The following SLC45A4 variants were observed in gnomAD, a reference collection of about 807,000 sequenced individuals.
SLC45A4 encodes the protein polyamine-transporter SLC45A4.
In SLC45A4, 32 loss-of-function variants were observed where a neutral mutation model predicts 63.7. That is an observed-to-expected ratio of 0.50 (90% CI 0.38 to 0.67). SLC45A4 has a LOEUF of 0.67. Among genes scored for constraint, SLC45A4 ranks in the 30% least tolerant of loss-of-function variants. The pLI is 0.00. For synonymous variants in SLC45A4, 535 were observed against 510.0 expected (o/e 1.05, Z -0.66); for missense variants, 1,027 against 1,157.7 (o/e 0.89, Z 1.64).
intron 2 of SLC45A4, among the ~76,000 whole-genome samples, chr8:141,236,352 T>A (rs550387224): frequency 2.2e-4 from 34 of 151,912 alleles, no homozygotes; most frequent in Non-Finnish European, 4.3e-4. Flanking sequence ...AAGTTTTCCA[T>A]TGTGTAACAC....
chr8:141,222,572 A>G (rs1297493241), intron 2 of SLC45A4, among the ~76,000 whole-genome samples: 1 of 152,252 alleles, frequency 6.6e-6, no homozygotes, highest in African/African-American at 2.4e-5. Context: ...TCTGTCCCTG[A>G]GTTGACACGC....
rs575055120 is a variant in SLC45A4 at position 141,213,260 on chromosome 8, C to T, written c.1942-704G>A. 3.3e-5 allele frequency among the ~76,000 whole-genome samples: 5 copies of T among 152,288 alleles called. No homozygotes were observed. The South Asian group carries it at 6.2e-4, about 19-fold the overall frequency. ...TCAAGGTTGACCTCACAGACAGAGA[C>T]GGGGCACTAGGTGCAGGACCCACAT... On this transcript the variant is annotated intron_variant, in intron 7 of 8. Coordinates refer to ENST00000517878, the MANE Select transcript of SLC45A4 (RefSeq NM_001286646.2).
At chr8:141,221,838 G>A (rs1350296017) in intron 2 of SLC45A4, 73 bp from the exon 3 acceptor site, 14 of 1,525,934 alleles carry the variant, frequency 9.2e-6, no homozygotes, top group South Asian at 7.0e-5. Flanking sequence ...TGGGAGCCCC[G>A]CGACAGGCAG....
chr8:141,263,667 G>A (rs1180915282), intron 1 of SLC45A4, among the ~76,000 whole-genome samples: 1 of 151,166 alleles, frequency 6.6e-6, no homozygotes, highest in Non-Finnish European at 1.5e-5. Context: ...CTACTGGGGA[G>A]GCTGAAGCAG....
intron 2 of SLC45A4, among the ~76,000 whole-genome samples, chr8:141,228,766 A>G (rs1247644783): frequency 6.6e-6 from 1 of 152,206 alleles, no homozygotes; most frequent in African/African-American, 2.4e-5. Flanking sequence ...TCAGGGGTCA[A>G]TCAGTTCCAG....
chr8:141,296,213 C>A (rs1391651836), intron 1 of SLC45A4, among the ~76,000 whole-genome samples: 4 of 152,124 alleles, frequency 2.6e-5, no homozygotes, highest in Non-Finnish European at 5.9e-5. Flanking sequence ...TACCTGCAAT[C>A]CCAGCTACTC....
At chr8:141,275,776 T>C (rs1031747847) in intron 1 of SLC45A4, among the ~76,000 whole-genome samples, 3 of 152,212 alleles carry the variant, frequency 2.0e-5, no homozygotes, top group African/African-American at 4.8e-5. Flanking sequence ...CAAATATACT[T>C]ACCCACTACC....
chr8:141,244,392 T>G (rs1385942338), intron 2 of SLC45A4, among the ~76,000 whole-genome samples: 1 of 152,094 alleles, frequency 6.6e-6, no homozygotes. Flanking sequence ...CCAAGGCAGG[T>G]CAATTTCTCC....
intron 2 of SLC45A4, among the ~76,000 whole-genome samples, chr8:141,245,560 TC>T (rs1198729825): frequency 6.6e-6 from 1 of 152,074 alleles, no homozygotes; most frequent in East Asian, 1.9e-4. Context: ...CATCAGGGAC[TC>T]CCAGGAGACC....
chr8:141,242,634 T>C (rs1428303056), intron 2 of SLC45A4, among the ~76,000 whole-genome samples: 1 of 152,154 alleles, frequency 6.6e-6, no homozygotes, highest in African/African-American at 2.4e-5. Context: ...GTGCCCCAGA[T>C]AACAAGCCCA....
At position 141,218,083 on chromosome 8, in the gene SLC45A4, C is replaced by G. The variant is rs1826287388; in HGVS notation, c.1557G>C (p.Trp519Cys). ...ACACGGCCTCGGCGATGACAGAGAACCAGGTGAGGAGGTGGCAGAGGCACA... is the reference window on the plus strand; with the variant it reads ...ACACGGCCTCGGCGATGACAGAGAAGCAGGTGAGGAGGTGGCAGAGGCACA... ...MRLCLCHLLT[W>C]FSVIAEAVFY... is the part of the protein sequence containing the mutation. The change falls in exon 5 of 9, where the codon TGG (tryptophan) becomes TGC (cysteine). Residue 519 changes from tryptophan (W) to cysteine (C), a missense_variant. By Grantham distance (215) the Trp-to-Cys change is radical. Coordinates refer to ENST00000517878, the MANE Select transcript of SLC45A4 (RefSeq NM_001286646.2). 1 of 1,611,432 alleles carries G rather than the reference C, an allele frequency of 6.2e-7. No individual in the cohort carries two copies. The highest frequency in any genetic ancestry group is 8.5e-7 in the Non-Finnish European group (1 of 1,179,294).
At chr8:141,301,870 G>A (rs534640152) in intron 1 of SLC45A4, among the ~76,000 whole-genome samples, 2 of 151,986 alleles carry the variant, frequency 1.3e-5, no homozygotes, top group East Asian at 1.9e-4. Context: ...GCTGGAGAGA[G>A]AGAATTGCAT....
intron 2 of SLC45A4, among the ~76,000 whole-genome samples, chr8:141,235,290 C>T (rs974604524): frequency 2.1e-4 from 32 of 152,330 alleles, no homozygotes; most frequent in African/African-American, 7.2e-4. Context: ...GACACACAGG[C>T]GGCCCCATTT....
rs781635172 is a variant in SLC45A4, at chr8:141,254,162, G to A, written c.68C>T (p.Pro23Leu). ...MQVQELSVPL[P>L]DPQKAGGAEA... ...TGCGCCTCCGGCTTTCTGCGGGTCC[G>A]GCAGGGGCACGGATAACTCTTGAAC... The change falls in exon 2 of 9, where the codon CCG becomes CTG. Residue 23 changes from proline (P) to leucine (L), a missense_variant. Pro to Leu is a moderately conservative substitution (Grantham distance 98, BLOSUM62 -3). Coordinates refer to ENST00000517878, the MANE Select transcript of SLC45A4 (RefSeq NM_001286646.2). The surrounding 1 kb of genome is among the most constrained non-coding windows in gnomAD (Gnocchi z 4.5). 1.4e-5 allele frequency: 21 copies of A among 1,536,028 alleles called. No homozygotes were observed. The South Asian group carries it at 1.7e-4, about 12-fold the overall frequency.
intron 1 of SLC45A4, among the ~76,000 whole-genome samples, chr8:141,296,201 C>T (rs1830544147): frequency 6.6e-6 from 1 of 152,092 alleles, no homozygotes; most frequent in African/African-American, 2.4e-5. Context: ...CATGGTGGTT[C>T]ATACCTGCAA....
rs528304700 is a variant in SLC45A4 at position 141,234,830 on chromosome 8, A to G, written c.242-13065T>C. Among the ~76,000 whole-genome samples the G allele has an allele frequency of 2.6e-5, 4 of 152,278 alleles. No individual in the cohort carries two copies. In the East Asian group the frequency reaches 7.7e-4, roughly 29 times the overall value. On this transcript the variant is annotated intron_variant, in intron 2 of 8. Coordinates refer to ENST00000517878, the MANE Select transcript of SLC45A4 (RefSeq NM_001286646.2). ...TTCCGCTCTGGCCCCTCCCCCCAGC[A>G]CAGCCAGGCTCCAGCAGGACTCGAC...
In SLC45A4 at chr8:141,303,527, C is replaced by T. The variant is rs1589870890; in HGVS notation, c.-401+4569G>A. ...TGACCAGGTAAGCACTGTGTTGATC[C>T]CTCTTTATTATCTATTCTAAGGGTT... is the stretch of plus-strand genomic sequence containing the variant. On this transcript the variant is annotated intron_variant, in intron 1 of 8. Transcript: ENST00000517878. Among the ~76,000 whole-genome samples, 6 of 151,818 alleles carry T rather than the reference C, an allele frequency of 4.0e-5. No individual in the cohort carries two copies. In the South Asian group the frequency reaches 6.3e-4, roughly 16 times the overall value.
Position 141,218,528 on chromosome 8 carries a change from T to C in SLC45A4, c.1112A>G (p.Glu371Gly), listed in dbSNP as rs759356074. The change falls in exon 5 of 9, where the codon GAG (glutamate) becomes GGG (glycine). Residue 371 changes from glutamate (E) to glycine (G), a missense_variant. Glu to Gly is a moderately conservative substitution (Grantham distance 98). Coordinates refer to ENST00000517878, the MANE Select transcript of SLC45A4 (RefSeq NM_001286646.2). Reference sequence around the variant, plus strand: ...ATTCAAGTGATTATCCAGCAAGGTCTCGTCCTCCTTGGCGGCTTCCTTGAG... The same window carrying C: ...ATTCAAGTGATTATCCAGCAAGGTCCCGTCCTCCTTGGCGGCTTCCTTGAG... ...TFLKEAAKEDETLLDNHLNEA... is the reference protein window; with the variant it reads ...TFLKEAAKEDGTLLDNHLNEA... 6.2e-7 allele frequency: 1 copy of C among 1,613,616 alleles called. No homozygotes were observed. Among genetic ancestry groups the C allele is most frequent in the South Asian group, 1.1e-5 (1 of 91,088 alleles).
intron 1 of SLC45A4, among the ~76,000 whole-genome samples, chr8:141,281,636 A>G (rs752275266): frequency 2.6e-4 from 40 of 152,236 alleles, no homozygotes; most frequent in Non-Finnish European, 5.6e-4. Context: ...AATACATGAC[A>G]GTGTTTGCAC....
Sources: gnomAD v4.1 joint callset for allele counts (sites outside exome capture counted in the v4.1 genomes callset) on GRCh38, gnomAD v4.1.1 for gene constraint, Gnocchi (gnomAD v3.1) non-coding constraint, MANE v1.5 for transcripts, NCBI Gene and HGNC (gene_info 2026-07-23, HGNC 2026-07-21) for gene names.